The following LSP1 variants were observed in gnomAD, a reference collection of about 807,000 sequenced individuals.
The protein encoded by LSP1 is lymphocyte-specific protein 1.
A neutral mutation model predicts 49.3 loss-of-function variants in LSP1; 32 were observed. The ratio of observed to expected loss-of-function variants is 0.65; its 90% CI spans 0.49 to 0.87. The LOEUF is 0.87. Among genes scored for constraint, LSP1 ranks in the 40% least tolerant of loss-of-function variants. LSP1 has a pLI of 0.00. For missense variants in LSP1, 428 were observed against 442.6 expected, an observed-to-expected ratio of 0.97 and a Z score of 0.30; for synonymous variants, 179 against 178.8, an observed-to-expected ratio of 1.00 and a Z score of -0.01.
chr11:1,864,842 C>T (rs1847734658), intron 1 of LSP1, among the ~76,000 whole-genome samples: 1 of 151,402 alleles, frequency 6.6e-6, no homozygotes, highest in Admixed American at 6.6e-5. Flanking sequence ...TGCCAGGTGC[C>T]AGAGGGAGGG....
At chr11:1,866,798 C>A (rs758125057) in intron 1 of LSP1, 7 of 1,550,234 alleles carry the variant, frequency 4.5e-6, no homozygotes, top group South Asian at 2.4e-5. Context: ...GGAAGTGCAG[C>A]CCCCGGAGGA....
At chr11:1,887,872 G>T (rs899264511) in intron 10 of LSP1, among the ~76,000 whole-genome samples, 1 of 152,166 alleles carries the variant, frequency 6.6e-6, no homozygotes, top group South Asian at 2.1e-4. Flanking sequence ...AGCAGGGCTC[G>T]TGAGGGAAGT....
intron 10 of LSP1, chr11:1,890,774 G>A: frequency 1.7e-6 from 1 of 597,382 alleles, no homozygotes; most frequent in East Asian, 2.8e-5. Flanking sequence ...GGGACTTTGG[G>A]GTGGCCCCAC....
intron 1 of LSP1, among the ~76,000 whole-genome samples, chr11:1,861,592 T>G (rs912810150): frequency 2.7e-5 from 4 of 148,986 alleles, no homozygotes; most frequent in African/African-American, 7.5e-5. Flanking sequence ...AATGGTTGGA[T>G]GGATGGATGA....
intron 1 of LSP1, chr11:1,865,357 T>C: frequency 2.1e-6 from 1 of 477,800 alleles, no homozygotes; most frequent in Non-Finnish European, 2.7e-6. Context: ...TCCCCCCAGC[T>C]TCGGTAGGCT....
At chr11:1,862,177 GAGATGGATGGATGAGT>G (rs988053551) in intron 1 of LSP1, among the ~76,000 whole-genome samples, 3 of 151,552 alleles carry the variant, frequency 2.0e-5, no homozygotes, top group African/African-American at 7.3e-5. Flanking sequence ...GATGGACAGA[GAGATGGATGGATGAGT>G]AGATGGATGG....
At chr11:1,870,324 G>A in intron 1 of LSP1, 1 of 1,293,068 alleles carries the variant, frequency 7.7e-7, no homozygotes, top group Middle Eastern at 2.1e-4. Context: ...GGCAGGGGGT[G>A]CCCGCAGCAC....
intron 1 of LSP1, among the ~76,000 whole-genome samples, chr11:1,873,269 C>T (rs903173615): frequency 2.6e-5 from 4 of 152,110 alleles, no homozygotes; most frequent in Non-Finnish European, 5.9e-5. Context: ...GCACCCCTTC[C>T]TCCCTGCCAG....
intron 1 of LSP1, among the ~76,000 whole-genome samples, chr11:1,878,359 G>C (rs749451191): frequency 2.6e-5 from 4 of 152,256 alleles, no homozygotes; most frequent in Admixed American, 6.5e-5. Context: ...CGGCAGAAGC[G>C]GGAAGCTGGG....
chr11:1,866,719 G>A (rs1441513398), intron 1 of LSP1: 1 of 1,550,440 alleles, frequency 6.4e-7, no homozygotes. Context: ...TGTGGCCTGG[G>A]ATTTGAGGAG....
In LSP1 at chr11:1,883,997, C is replaced by G; in HGVS notation, c.564C>G (p.Ser188Arg). The G allele has an allele frequency of 6.2e-7, 1 of 1,612,882 alleles. No homozygotes were observed. Among genetic ancestry groups the G allele is most frequent in the Non-Finnish European group, 8.5e-7 (1 of 1,179,632 alleles). Reference sequence around the variant, plus strand: ...TCTTGGAGGGGACCATCGAACAGAGCTCGCCTCCCCTGAGCCCTACCACCA... The same window carrying G: ...TCTTGGAGGGGACCATCGAACAGAGGTCGCCTCCCCTGAGCCCTACCACCA... The part of the protein sequence containing the change: ...PLVLEGTIEQ[S>R]SPPLSPTTKL... The change falls in exon 5 of 11, where the codon AGC becomes AGG. Residue 188 changes from serine (S) to arginine (R), a missense_variant. Ser to Arg is a moderately radical substitution (Grantham distance 110, BLOSUM62 -1). Coordinates refer to ENST00000311604, the MANE Select transcript of LSP1 (RefSeq NM_002339.3).
At chr11:1,853,449 C>T (rs374787560) in intron 1 of LSP1, among the ~76,000 whole-genome samples, 62 of 152,288 alleles carry the variant, frequency 4.1e-4, no homozygotes, top group African/African-American at 1.5e-3. Flanking sequence ...CTGGGGGAGG[C>T]GCGTGGGATC....
At chr11:1,891,106 G>A (rs903110918) in intron 10 of LSP1, 1 of 157,936 alleles carries the variant, frequency 6.3e-6, no homozygotes, top group Admixed American at 5.9e-5. Context: ...GTGAGGGGTG[G>A]CGGCCAAGAG....
intron 1 of LSP1, among the ~76,000 whole-genome samples, chr11:1,862,306 A>C (rs769305802): frequency 8.5e-5 from 13 of 152,200 alleles, no homozygotes; most frequent in Non-Finnish European, 1.3e-4. Flanking sequence ...AAAACCATGA[A>C]TCTTGGCCGC....
chr11:1,857,405 C>T (rs1018163346), intron 1 of LSP1, among the ~76,000 whole-genome samples: 3 of 152,196 alleles, frequency 2.0e-5, no homozygotes, highest in South Asian at 2.1e-4. Flanking sequence ...AGCCTGTCTC[C>T]ACCTCAGTTC....
chr11:1,868,719 C>A (rs760330794), intron 1 of LSP1: 43 of 985,634 alleles, frequency 4.4e-5, no homozygotes, highest in Non-Finnish European at 5.2e-5. Flanking sequence ...CCCAGAAGCC[C>A]AGGCGAGCCA....
intron 1 of LSP1, among the ~76,000 whole-genome samples, chr11:1,856,016 G>T (rs1411219868): frequency 1.3e-5 from 2 of 152,170 alleles, no homozygotes; most frequent in Non-Finnish European, 2.9e-5. Context: ...CCCTCCCTGG[G>T]GTCACACTGC....
chr11:1,855,156 A>C (rs1302464547), intron 1 of LSP1, among the ~76,000 whole-genome samples: 1 of 152,174 alleles, frequency 6.6e-6, no homozygotes, highest in East Asian at 1.9e-4. Context: ...CTGACCTTTC[A>C]GAATGAAACT....
At chr11:1,853,756 T>A (rs1382917954) in intron 1 of LSP1, among the ~76,000 whole-genome samples, 1 of 152,114 alleles carries the variant, frequency 6.6e-6, no homozygotes, top group African/African-American at 2.4e-5. Flanking sequence ...GGCCAAGGAT[T>A]CTGGCAGGTG....
Sources: allele counts gnomAD v4.1 joint callset (sites outside exome capture counted in the v4.1 genomes callset), GRCh38; gene constraint gnomAD v4.1.1; transcripts MANE v1.5; gene names NCBI Gene and HGNC (gene_info 2026-07-23, HGNC 2026-07-21).